Variants in TTC1 observed in about 807,000 individuals in gnomAD.
The protein encoded by TTC1 is tetratricopeptide repeat protein 1.
In TTC1, 31 loss-of-function variants were observed where a neutral mutation model predicts 37.6. The ratio of observed to expected loss-of-function variants is 0.82; its 90% CI spans 0.62 to 1.11. TTC1 has a LOEUF of 1.11. TTC1 is among the 50% of genes most tolerant of loss of function. The pLI is 0.00. For synonymous variants in TTC1, 127 were observed against 122.4 expected, an observed-to-expected ratio of 1.04 and a Z score of -0.25; for missense variants, 351 against 339.0, an observed-to-expected ratio of 1.04 and a Z score of -0.28.
chr5:160,051,766 A>G (rs1757410216), intron 7 of TTC1, among the ~76,000 whole-genome samples: 1 of 152,216 alleles, frequency 6.6e-6, no homozygotes, highest in Non-Finnish European at 1.5e-5. Context: ...CCCACGAGCA[A>G]TCTGCTTAAG....
Position 160,057,069 on chromosome 5 carries a change from T to A in TTC1, c.745+5886T>A, listed in dbSNP as rs1252018720. On this transcript the variant is annotated intron_variant, in intron 7 of 7. Coordinates refer to ENST00000231238, the MANE Select transcript of TTC1 (RefSeq NM_003314.3). This position sits in a 1 kb window ranked among gnomAD's most constrained non-coding sequence, Gnocchi z 4.4. Reference sequence around the variant, plus strand: ...TGCAGGATTTTGCACTCTGGCCACATGGCACAAGAAACCAATTCCTTGTTG... The same window carrying A: ...TGCAGGATTTTGCACTCTGGCCACAAGGCACAAGAAACCAATTCCTTGTTG... Among the ~76,000 whole-genome samples, 3 of 152,048 alleles carry A rather than the reference T, an allele frequency of 2.0e-5. No homozygotes were observed. The highest frequency in any genetic ancestry group is 4.4e-5 in the Non-Finnish European group (3 of 67,994).
intron 2 of TTC1, among the ~76,000 whole-genome samples, chr5:160,014,514 T>A (rs2421645): frequency 0.15 from 21,755 of 149,812 alleles, 1,758 homozygotes; most frequent in East Asian, 0.27. Flanking sequence ...AAAAAAAAAA[T>A]TTTTTTTTAA....
At chr5:160,060,445 G>C (rs1347177155) in intron 7 of TTC1, among the ~76,000 whole-genome samples, 1 of 152,198 alleles carries the variant, frequency 6.6e-6, no homozygotes, top group Admixed American at 6.5e-5. Context: ...TCTTCTCTTT[G>C]CCATGGGATC....
intron 2 of TTC1, chr5:160,023,703 T>C: frequency 6.4e-7 from 1 of 1,567,770 alleles, no homozygotes; most frequent in Non-Finnish European, 8.8e-7. Flanking sequence ...GCATGTCACA[T>C]GTTGCCTAAT....
intron 2 of TTC1, among the ~76,000 whole-genome samples, chr5:160,013,509 C>G (rs139023422): frequency 0.014 from 2,176 of 152,064 alleles, 31 homozygotes; most frequent in African/African-American, 0.034. Flanking sequence ...CTTTGGGAGG[C>G]TGAGGCGGGC....
intron 5 of TTC1, among the ~76,000 whole-genome samples, chr5:160,045,520 A>ACACTCTCTCTCTCTCT (rs1202139318): frequency 1.8e-5 from 1 of 54,884 alleles, no homozygotes. Flanking sequence ...ACACATACAC[A>ACACTCTCTCTCTCTCT]CTCTCTCTCT....
chr5:160,046,042 A>G (rs1331235843), intron 5 of TTC1, among the ~76,000 whole-genome samples: 1 of 152,038 alleles, frequency 6.6e-6, no homozygotes, highest in East Asian at 1.9e-4. Context: ...CCCCCAGCTC[A>G]AGATTAGGGT....
chr5:160,010,251 A>C (rs1208996268), intron 1 of TTC1, among the ~76,000 whole-genome samples: 5 of 142,120 alleles, frequency 3.5e-5, no homozygotes, highest in African/African-American at 1.3e-4. Flanking sequence ...GACTGAGATT[A>C]AGTCTCAAAA....
rs913289171 is a variant in TTC1 at position 160,045,483 on chromosome 5, C to T, written c.541+2314C>T. Among the ~76,000 whole-genome samples, 379 of 119,562 alleles carry T rather than the reference C, an allele frequency of 3.2e-3. 8 individuals carry two copies. Among genetic ancestry groups the T allele is most frequent in the African/African-American group, 0.012 (360 of 29,760 alleles). 78.4% of individuals were successfully genotyped at this position (119,562 alleles called of 152,430 possible). On this transcript the variant is annotated intron_variant, in intron 5 of 7. Coordinates refer to ENST00000231238, the MANE Select transcript of TTC1 (RefSeq NM_003314.3). Reference sequence around the variant, plus strand: ...ACACACACACACACACACACACACACACACACACACACACACACACACACA... The same window carrying T: ...ACACACACACACACACACACACACATACACACACACACACACACACACACA...
chr5:160,062,966 C>G (rs1028782992), intron 7 of TTC1, among the ~76,000 whole-genome samples: 5 of 152,164 alleles, frequency 3.3e-5, no homozygotes, highest in African/African-American at 1.2e-4. Context: ...GAGGCTGTGC[C>G]GCTGCCTTGT....
chr5:160,034,482 C>G (rs1756969861), intron 2 of TTC1, among the ~76,000 whole-genome samples: 2 of 152,306 alleles, frequency 1.3e-5, no homozygotes, highest in Middle Eastern at 3.4e-3. Flanking sequence ...ACCCTACAGA[C>G]TTGGCTTGTA....
chr5:160,022,752 C>T (rs1033959796), intron 2 of TTC1, among the ~76,000 whole-genome samples: 1 of 152,094 alleles, frequency 6.6e-6, no homozygotes, highest in African/African-American at 2.4e-5. Context: ...AGTAATTTGT[C>T]TTCTTTATAG....
In TTC1 at chr5:160,065,363, TACAC is replaced by T. The variant is rs751241642; in HGVS notation, c.*306_*309del. 1.9e-6 allele frequency: 1 copy of T among 523,096 alleles called. No homozygotes were observed. The highest frequency in any genetic ancestry group is 3.7e-6 in the Non-Finnish European group (1 of 271,620). 32.4% of individuals were successfully genotyped at this position (523,096 alleles called of 1,614,324 possible). Reference sequence around the variant, plus strand: ...TTGTTGAGGCTGACCTTCCTGATCATACACACACACAGCCCAGCAAAAGCCTCTC... The same window carrying T: ...TTGTTGAGGCTGACCTTCCTGATCATACACACAGCCCAGCAAAAGCCTCTC... On this transcript the variant is annotated 3_prime_UTR_variant, in exon 8 of 8. Coordinates refer to ENST00000231238, the MANE Select transcript of TTC1 (RefSeq NM_003314.3).
At chr5:160,011,320 G>A (rs1756499122) in intron 2 of TTC1, among the ~76,000 whole-genome samples, 2 of 152,222 alleles carry the variant, frequency 1.3e-5, no homozygotes, top group Admixed American at 1.3e-4. Context: ...GGTTTTGGTT[G>A]CAGAGGTCTT....
At chr5:160,014,798 T>G (rs988753103) in intron 2 of TTC1, among the ~76,000 whole-genome samples, 3 of 152,248 alleles carry the variant, frequency 2.0e-5, no homozygotes, top group Non-Finnish European at 4.4e-5. Flanking sequence ...TTGTAGCCAT[T>G]TATTTCAAGG....
chr5:160,062,124 G>A (rs923718905), intron 7 of TTC1: 4 of 152,228 alleles, frequency 2.6e-5, no homozygotes, highest in African/African-American at 9.7e-5. Context: ...CTTCATGACT[G>A]CCACACCATA....
chr5:160,019,680 C>T (rs1037421837), intron 2 of TTC1, among the ~76,000 whole-genome samples: 23 of 151,010 alleles, frequency 1.5e-4, no homozygotes, highest in African/African-American at 4.4e-4. Context: ...CTCCGCCTCC[C>T]GGATTCAAGC....
chr5:160,029,330 A>G (rs549275748), intron 2 of TTC1, among the ~76,000 whole-genome samples: 1 of 152,192 alleles, frequency 6.6e-6, no homozygotes, highest in Admixed American at 6.5e-5. Flanking sequence ...GTTTCTAAAC[A>G]CTATTCCACA....
At position 160,049,658 on chromosome 5, in the gene TTC1, G is replaced by C; in HGVS notation, c.686G>C (p.Cys229Ser). ...DPSIHQAREA[C>S]MRLPKQIEER... ...TCAATACATCAAGCAAGAGAAGCTT[G>C]TATGGTAAAACCTAAAATTTTAAAA... Residue 229 changes from cysteine (C) to serine (S), a missense_variant, in exon 6 of 8, where the codon TGT (cysteine) becomes TCT (serine). Coordinates refer to ENST00000231238, the MANE Select transcript of TTC1 (RefSeq NM_003314.3). 1 of 1,574,510 alleles carries C rather than the reference G, an allele frequency of 6.4e-7. No homozygotes were observed. The highest frequency in any genetic ancestry group is 2.3e-5 in the East Asian group (1 of 44,162).
Sources: allele counts gnomAD v4.1 joint callset (sites outside exome capture counted in the v4.1 genomes callset), GRCh38; gene constraint gnomAD v4.1.1; non-coding constraint Gnocchi (gnomAD v3.1); transcripts MANE v1.5; gene names NCBI Gene and HGNC (gene_info 2026-07-23, HGNC 2026-07-21).